The following SEL1L2 variants were observed in gnomAD, a reference collection of about 807,000 sequenced individuals.
SEL1L2 encodes the protein SEL1L2 adaptor subunit of SYVN1 ubiquitin ligase, also known as protein sel-1 homolog 2.
SEL1L2 carries 89 observed loss-of-function variants against 98.8 expected under a neutral mutation model. The ratio of observed to expected loss-of-function variants is 0.90; its 90% confidence interval spans 0.76 to 1.07. The LOEUF (loss-of-function observed/expected upper bound fraction) is 1.07, where lower values mean the gene tolerates loss of function less well. SEL1L2 is among the 50% of genes least tolerant of loss of function. The pLI, the probability that SEL1L2 is intolerant of heterozygous loss-of-function variation, is 0.00. For synonymous variants in SEL1L2, 262 were observed against 278.5 expected, an observed-to-expected ratio of 0.94 and a Z score of 0.59; for missense variants, 788 against 812.0, an observed-to-expected ratio of 0.97 and a Z score of 0.36.
intron 5 of SEL1L2, among the ~76,000 whole-genome samples, chr20:13,900,894 C>T (rs1054058568): frequency 3.3e-5 from 5 of 152,036 alleles, no homozygotes; most frequent in Admixed American, 3.3e-4. Context: ...AGTTTTGTCC[C>T]CATTATTGGG....
intron 1 of SEL1L2, among the ~76,000 whole-genome samples, chr20:13,987,157 G>T (rs2052237718): frequency 6.6e-6 from 1 of 151,608 alleles, no homozygotes; most frequent in African/African-American, 2.4e-5. Flanking sequence ...TGCCAACACC[G>T]CAATTATTTT....
In SEL1L2 at chr20:13,974,455, T is replaced by C. The variant is rs1034531392; in HGVS notation, c.58+16022A>G. Among the ~76,000 whole-genome samples the C allele has an allele frequency of 3.4e-5, 5 of 149,110 alleles. No homozygotes were observed. In the South Asian group the frequency reaches 1.1e-3, roughly 31 times the overall value. ...CTGCTCCTACTGCTTTTTATTTTTT[T>C]TCCTTTTCTCTCTCTCTCTCTTTTT... On this transcript the variant is annotated intron_variant, in intron 1 of 19. Coordinates refer to ENST00000284951, the MANE Select transcript of SEL1L2 (RefSeq NM_025229.2).
At chr20:13,896,237 C>T (rs1479705303) in intron 5 of SEL1L2, among the ~76,000 whole-genome samples, 4 of 151,886 alleles carry the variant, frequency 2.6e-5, no homozygotes, top group Non-Finnish European at 4.4e-5. Context: ...TTGGGGAGGC[C>T]GAGGTGGGTG....
intron 17 of SEL1L2, among the ~76,000 whole-genome samples, chr20:13,861,786 G>A (rs1177927931): frequency 6.6e-6 from 1 of 152,102 alleles, no homozygotes; most frequent in African/African-American, 2.4e-5. Context: ...CCTGCCCTCT[G>A]CACAAGATCC....
chr20:13,865,831 C>CTGTGTG lies in SEL1L2; in HGVS notation c.1405-323_1405-318dup, dbSNP rs11467978. On this transcript the variant is annotated intron_variant, in intron 15 of 19. Coordinates refer to ENST00000284951, the MANE Select transcript of SEL1L2 (RefSeq NM_025229.2). ...AAGAATGTATCGCTAGTGTGTGTGT[C>CTGTGTG]TGTGTGTGTGTGTGTGTGTGTGTGT... Among the ~76,000 whole-genome samples the CTGTGTG allele has an allele frequency of 3.5e-3, 531 of 150,038 alleles. 2 individuals are homozygous for CTGTGTG. The highest frequency in any genetic ancestry group is 0.01 in the African/African-American group (427 of 40,732).
intron 2 of SEL1L2, among the ~76,000 whole-genome samples, chr20:13,935,373 T>A (rs961142574): frequency 9.9e-5 from 15 of 152,148 alleles, no homozygotes; most frequent in African/African-American, 3.6e-4. Context: ...CCAGGGAAGA[T>A]AACAGTCAAC....
chr20:13,862,066 A>C (rs1990226723), intron 17 of SEL1L2, among the ~76,000 whole-genome samples: 2 of 152,208 alleles, frequency 1.3e-5, no homozygotes, highest in South Asian at 4.1e-4. Context: ...GTACTTCATG[A>C]GGACAAGCAC....
intron 1 of SEL1L2, among the ~76,000 whole-genome samples, chr20:13,978,041 G>A (rs1237160353): frequency 1.3e-5 from 2 of 151,892 alleles, no homozygotes; most frequent in Non-Finnish European, 2.9e-5. Context: ...ACCCCAAATA[G>A]CCAAAACAAT....
intron 12 of SEL1L2, among the ~76,000 whole-genome samples, chr20:13,872,405 C>T (rs766700446): frequency 6.6e-6 from 1 of 152,176 alleles, no homozygotes; most frequent in African/African-American, 2.4e-5. Flanking sequence ...TTATAAGGGG[C>T]TTTTCCCTCT....
At chr20:13,919,684 C>T (rs191583131) in intron 3 of SEL1L2, among the ~76,000 whole-genome samples, 3 of 152,132 alleles carry the variant, frequency 2.0e-5, no homozygotes, top group East Asian at 3.9e-4. Context: ...TTTGGGAGGC[C>T]GAGGTGGGTG....
At chr20:13,884,664 C>G (rs561284427) in intron 10 of SEL1L2, among the ~76,000 whole-genome samples, 4 of 151,780 alleles carry the variant, frequency 2.6e-5, no homozygotes, top group Non-Finnish European at 5.9e-5. Context: ...CGTGCCACCA[C>G]GCCCGGCTAA....
chr20:13,895,217 C>T (rs549641975), intron 5 of SEL1L2, among the ~76,000 whole-genome samples: 11 of 152,030 alleles, frequency 7.2e-5, no homozygotes, highest in Non-Finnish European at 1.2e-4. Flanking sequence ...CCTAAGTGGG[C>T]AGATTGCATG....
chr20:13,936,622 C>G (rs1370452023), intron 2 of SEL1L2, among the ~76,000 whole-genome samples: 1 of 152,168 alleles, frequency 6.6e-6, no homozygotes, highest in African/African-American at 2.4e-5. Flanking sequence ...ATCAGCAGCA[C>G]CCATTCCCTA....
At chr20:13,951,780 A>T (rs535646708) in intron 2 of SEL1L2, among the ~76,000 whole-genome samples, 2 of 150,894 alleles carry the variant, frequency 1.3e-5, no homozygotes, top group Admixed American at 1.3e-4. Context: ...TTGTCATTAA[A>T]TTCTAAACTC....
rs111898385 is a variant in SEL1L2, at chr20:13,904,464, G to A, written c.549+9318C>T. On this transcript the variant is annotated intron_variant, in intron 5 of 19. Transcript: ENST00000284951. ...AATCGCTTGAACCTGGGAGGTGGAG[G>A]TTGTATTGAGATGAGATGGCGCCAC... Among the ~76,000 whole-genome samples the A allele has an allele frequency of 1.1e-4, 17 of 152,202 alleles. 2 individuals are homozygous for A. The highest frequency in any genetic ancestry group is 4.1e-4 in the African/African-American group (17 of 41,530).
At chr20:13,883,870 T>G (rs1882865117) in intron 10 of SEL1L2, among the ~76,000 whole-genome samples, 2 of 152,208 alleles carry the variant, frequency 1.3e-5, no homozygotes, top group Non-Finnish European at 2.9e-5. Context: ...AGTTACATAT[T>G]CTATGATTAA....
chr20:13,887,733 C>A (rs1219376762), intron 8 of SEL1L2, 36 bp downstream of exon 8: 2 of 1,320,510 alleles, frequency 1.5e-6, no homozygotes, highest in South Asian at 2.4e-5. Context: ...TCCTTGGCAA[C>A]TGTTTATTTT....
At chr20:13,895,548 A>G (rs1337523176) in intron 5 of SEL1L2, among the ~76,000 whole-genome samples, 3 of 152,212 alleles carry the variant, frequency 2.0e-5, no homozygotes, top group African/African-American at 4.8e-5. Context: ...AAACTTCAAC[A>G]TGCTTTTGTG....
Position 13,950,885 on chromosome 20 carries a change from G to C in SEL1L2, c.114+5191C>G, listed in dbSNP as rs569008071. On this transcript the variant is annotated intron_variant, in intron 2 of 19. Transcript: ENST00000284951. ...AGAAAATGCTTGAAAGGGTTACAGG[G>C]GAAGAAGTCATCAGGAGACAACTAG... Among the ~76,000 whole-genome samples, 26 of 152,202 alleles carry C rather than the reference G, an allele frequency of 1.7e-4. 1 individual carries two copies. In the East Asian group the frequency reaches 4.4e-3, roughly 26 times the overall value.
Sources: gnomAD v4.1 joint callset for allele counts (sites outside exome capture counted in the v4.1 genomes callset) on GRCh38, gnomAD v4.1.1 for gene constraint, MANE v1.5 for transcripts, NCBI Gene and HGNC (gene_info 2026-07-23, HGNC 2026-07-21) for gene names.